The following RNF213 variants were observed in gnomAD, a reference collection of about 807,000 sequenced individuals.
The protein encoded by RNF213 is ring finger protein 213.
A neutral mutation model predicts 514.4 loss-of-function variants in RNF213; 341 were observed. The observed-to-expected ratio is 0.66, with a 90% CI of 0.61 to 0.73. The LOEUF is 0.73. RNF213 is among the 30% of genes least tolerant of loss of function. The pLI, the probability that RNF213 is intolerant of heterozygous loss-of-function variation, is 0.00. For synonymous variants in RNF213, 2,655 were observed against 2,658.2 expected, an observed-to-expected ratio of 1.00 and a Z score of 0.04; for missense variants, 5,767 against 6,615.6, an observed-to-expected ratio of 0.87 and a Z score of 4.45.
chr17:80,317,664 G>T lies in RNF213; in HGVS notation c.2901+387G>T, dbSNP rs7501987. On this transcript the variant is annotated intron_variant, in intron 16 of 67. Coordinates refer to ENST00000582970, the MANE Select transcript of RNF213 (RefSeq NM_001256071.3). The surrounding 1 kb of genome is among the most constrained non-coding windows in gnomAD (Gnocchi z 4.1). ...TTGGGAGCTGGCAGGAGCAAGCTCC[G>T]TGCAGGCCCTGCAGCAGTGCCCAGA... Among the ~76,000 whole-genome samples the T allele has an allele frequency of 6.6e-6, 1 of 152,016 alleles. No individual in the cohort carries two copies. The highest frequency in any genetic ancestry group is 2.4e-5 in the African/African-American group (1 of 41,408).
intron 36 of RNF213, among the ~76,000 whole-genome samples, chr17:80,355,588 G>C (rs1383808323): frequency 1.1e-5 from 1 of 91,562 alleles, no homozygotes; most frequent in Non-Finnish European, 2.4e-5. Context: ...GAGTGGGAAT[G>C]GGGGCTTACA....
At chr17:80,393,055 G>A (rs1156716702) in intron 67 of RNF213, among the ~76,000 whole-genome samples, 1 of 152,054 alleles carries the variant, frequency 6.6e-6, no homozygotes, top group Non-Finnish European at 1.5e-5. Flanking sequence ...TCAGCTCGCT[G>A]TAGCCTCCAC....
intron 26 of RNF213, among the ~76,000 whole-genome samples, chr17:80,342,803 C>G (rs1034476017): frequency 1.6e-4 from 23 of 146,884 alleles, no homozygotes; most frequent in African/African-American, 5.8e-4. Context: ...GCTCTGTCAC[C>G]CTAACGATGA....
rs542123429 is a variant in RNF213 at position 80,356,825 on chromosome 17, G to A, written c.10863-1463G>A. 1.7e-4 allele frequency among the ~76,000 whole-genome samples: 26 copies of A among 152,160 alleles called. 1 individual carries two copies. In the South Asian group the frequency reaches 5.4e-3, roughly 32 times the overall value. Reference sequence around the variant, plus strand: ...ATAGACATTTTAAAATTCTTGCCAGGTTCCTCTGTACTATATATTTAAAAA... The same window carrying A: ...ATAGACATTTTAAAATTCTTGCCAGATTCCTCTGTACTATATATTTAAAAA... On this transcript the variant is annotated intron_variant, in intron 36 of 67. Coordinates refer to ENST00000582970, the MANE Select transcript of RNF213 (RefSeq NM_001256071.3).
chr17:80,289,607 AAG>A (rs1295781329), intron 5 of RNF213, 50 bp from the exon 6 acceptor site: 6 of 1,580,976 alleles, frequency 3.8e-6, no homozygotes, highest in South Asian at 2.3e-5. Flanking sequence ...AAAAAAAAAA[AAG>A]AAAATGTGGA....
At chr17:80,350,011 G>A (rs1369913672) in intron 30 of RNF213, 105 bp downstream of exon 30, 70 of 1,251,620 alleles carry the variant, frequency 5.6e-5, no homozygotes, top group Middle Eastern at 2.6e-4. Flanking sequence ...CCACAGTCAC[G>A]TGACTGTGAA....
At chr17:80,376,130 CTG>C (rs1207679810) in intron 51 of RNF213, among the ~76,000 whole-genome samples, 169 bp from the exon 52 acceptor site, 2 of 152,180 alleles carry the variant, frequency 1.3e-5, no homozygotes, top group Non-Finnish European at 2.9e-5. Flanking sequence ...TATGTGGATG[CTG>C]TGTTTGTATA....
chr17:80,302,500 CATAT>C (rs781487648), intron 11 of RNF213, among the ~76,000 whole-genome samples: 30 of 152,160 alleles, frequency 2.0e-4, no homozygotes, highest in Non-Finnish European at 4.0e-4. Flanking sequence ...GTATTGTATA[CATAT>C]ATAGAAATAT....
intron 15 of RNF213, chr17:80,316,180 AGGT>A (rs1466650125): frequency 6.6e-6 from 1 of 152,188 alleles, no homozygotes; most frequent in African/African-American, 2.4e-5. Flanking sequence ...TGAACCCAGG[AGGT>A]CAGGGCTGCA....
Position 80,291,749 on chromosome 17 carries a change from A to G in RNF213, c.1393A>G (p.Ile465Val), listed in dbSNP as rs1284184904. The G allele has an allele frequency of 3.7e-6, 6 of 1,614,204 alleles. No homozygotes were observed. Among genetic ancestry groups the G allele is most frequent in the Non-Finnish European group, 5.1e-6 (6 of 1,180,042 alleles). ...YNGESFEYEF[I>V]YKHQQKKGEY... ...TGGGGAATCTTTTGAGTATGAGTTCATTTACAAGCACCAGCAGAAGAAGGG... is the reference window on the plus strand; with the variant it reads ...TGGGGAATCTTTTGAGTATGAGTTCGTTTACAAGCACCAGCAGAAGAAGGG... Residue 465 changes from isoleucine (I) to valine (V), a missense_variant, in exon 8 of 68, where the codon ATT becomes GTT. Physicochemically the swap from Ile to Val is conservative, Grantham distance 29. Around this residue, in one of 13 missense-constraint regions of RNF213, gnomAD observed 592 missense variants for 673.9 expected, o/e 0.88. Transcript: ENST00000582970.
At chr17:80,309,369 C>G (rs1055602513) in intron 14 of RNF213, among the ~76,000 whole-genome samples, 198 bp downstream of exon 14, 5 of 152,138 alleles carry the variant, frequency 3.3e-5, no homozygotes, top group Non-Finnish European at 7.3e-5. Flanking sequence ...GGGCCAGGGT[C>G]TGCCCTTCTG....
intron 12 of RNF213, 94 bp from the exon 13 acceptor site, chr17:80,307,034 A>C: frequency 8.4e-7 from 1 of 1,194,342 alleles, no homozygotes; most frequent in Non-Finnish European, 1.3e-6. Flanking sequence ...TGTATACCAT[A>C]TTGATGTTGG....
intron 2 of RNF213, among the ~76,000 whole-genome samples, chr17:80,269,433 A>G (rs978597742): frequency 4.7e-5 from 7 of 147,374 alleles, no homozygotes; most frequent in African/African-American, 1.3e-4. Flanking sequence ...CCATTCATCT[A>G]TTCTATCTAT....
Position 80,300,166 on chromosome 17 carries a change from A to C in RNF213, c.2210+1648A>C, listed in dbSNP as rs1400674233. Among the ~76,000 whole-genome samples the C allele has an allele frequency of 2.0e-5, 3 of 152,208 alleles. No individual in the cohort carries two copies. The South Asian group carries it at 6.2e-4, about 31-fold the overall frequency. Reference sequence around the variant, plus strand: ...TGAACTAATTTACACTCCCACCAACAGTGCATAAGCATTCCTTTTTCTCCG... The same window carrying C: ...TGAACTAATTTACACTCCCACCAACCGTGCATAAGCATTCCTTTTTCTCCG... On this transcript the variant is annotated intron_variant, in intron 11 of 67. Coordinates refer to ENST00000582970, the MANE Select transcript of RNF213 (RefSeq NM_001256071.3).
intron 17 of RNF213, among the ~76,000 whole-genome samples, chr17:80,324,238 C>CT (rs1294493660): frequency 6.6e-6 from 1 of 152,146 alleles, no homozygotes. Flanking sequence ...CATAGATGCC[C>CT]TTTATCAGTT....
intron 23 of RNF213, 62 bp from the exon 24 acceptor site, chr17:80,337,524 A>G (rs1402694341): frequency 1.3e-6 from 2 of 1,519,426 alleles, no homozygotes; most frequent in East Asian, 4.9e-5. Context: ...CGACCACAGG[A>G]GGGAGAAGGG....
Position 80,369,217 on chromosome 17 carries a change from G to A in RNF213, c.12156-285G>A, listed in dbSNP as rs920090328. Among the ~76,000 whole-genome samples the A allele has an allele frequency of 5.3e-5, 8 of 152,158 alleles. No homozygotes were observed. The South Asian group carries it at 8.3e-4, about 16-fold the overall frequency. On this transcript the variant is annotated intron_variant, in intron 44 of 67. Transcript: ENST00000582970. Reference sequence around the variant, plus strand: ...AGTTCGAAACCAGCCTGGCCAACACGGTGAAACCCCATCTCTACTAAAAAT... The same window carrying A: ...AGTTCGAAACCAGCCTGGCCAACACAGTGAAACCCCATCTCTACTAAAAAT...
intron 62 of RNF213, 115 bp from the exon 63 acceptor site, chr17:80,386,575 G>A: frequency 7.0e-7 from 1 of 1,424,022 alleles, no homozygotes; most frequent in Non-Finnish European, 9.9e-7. Flanking sequence ...CCCCATACTT[G>A]GGTAGGGTTT....
chr17:80,362,541 A>AT (rs1246781407), intron 39 of RNF213, among the ~76,000 whole-genome samples: 1 of 152,254 alleles, frequency 6.6e-6, no homozygotes, highest in East Asian at 1.9e-4. Context: ...TGCAAAGCTG[A>AT]TTTTTAAAAA....
Sources: allele counts gnomAD v4.1 joint callset (sites outside exome capture counted in the v4.1 genomes callset), GRCh38; gene constraint gnomAD v4.1.1; regional missense constraint gnomAD v4.1.1; non-coding constraint Gnocchi (gnomAD v3.1); transcripts MANE v1.5; gene names NCBI Gene and HGNC (gene_info 2026-07-23, HGNC 2026-07-21).